BARX2: variants seen among roughly 807,000 people sequenced by gnomAD.
BARX2 encodes BARX homeobox 2, also known as homeobox protein BarH-like 2.
BARX2 carries 11 observed loss-of-function variants against 25.5 expected under a neutral mutation model. The observed-to-expected ratio is 0.43, with a 90% confidence interval of 0.27 to 0.71. The LOEUF is 0.71. Among genes scored for constraint, BARX2 ranks in the 30% least tolerant of loss-of-function variants. BARX2 has a pLI of 0.19. For missense variants in BARX2, 360 were observed against 359.9 expected (o/e 1.00, Z 0.00); for synonymous variants, 137 against 149.5 (o/e 0.92, Z 0.61).
chr11:129,427,842 A>T (rs928889626), intron 1 of BARX2, among the ~76,000 whole-genome samples: 17 of 152,218 alleles, frequency 1.1e-4, no homozygotes, highest in African/African-American at 3.9e-4. Flanking sequence ...TGGCCCAAGC[A>T]TGTTCACATG....
At chr11:129,423,866 T>G (rs528147208) in intron 1 of BARX2, among the ~76,000 whole-genome samples, 1 of 151,872 alleles carries the variant, frequency 6.6e-6, no homozygotes, top group African/African-American at 2.4e-5. Context: ...TCTCCTTTTT[T>G]TTTTTTTTGT....
intron 1 of BARX2, among the ~76,000 whole-genome samples, chr11:129,398,152 T>A (rs956936781): frequency 1.2e-4 from 18 of 152,236 alleles, no homozygotes; most frequent in African/African-American, 4.1e-4. Context: ...CAGACTGTGA[T>A]GGTGACTTGG....
chr11:129,428,929 T>C (rs1862098262), intron 1 of BARX2, among the ~76,000 whole-genome samples: 1 of 152,052 alleles, frequency 6.6e-6, no homozygotes, highest in African/African-American at 2.4e-5. Flanking sequence ...CATCAGAACG[T>C]TGGGTCAAGA....
chr11:129,437,165 C>G (rs979942521), intron 2 of BARX2, 114 bp downstream of exon 2: 1 of 1,176,492 alleles, frequency 8.5e-7, no homozygotes, highest in Non-Finnish European at 1.1e-6. Context: ...GACACTATGG[C>G]GGAGTCCACT....
intron 1 of BARX2, among the ~76,000 whole-genome samples, chr11:129,432,572 A>G (rs1314868705): frequency 6.6e-6 from 1 of 152,218 alleles, no homozygotes; most frequent in Non-Finnish European, 1.5e-5. Flanking sequence ...TAGAAGTGTC[A>G]TAAAACTAAA....
rs1565521322 is a variant in BARX2, at chr11:129,436,852, C to T, written c.289C>T (p.Leu97=). 1 of 1,614,062 alleles carries T rather than the reference C, an allele frequency of 6.2e-7. No homozygotes were observed. Among genetic ancestry groups the T allele is most frequent in the Non-Finnish European group, 8.5e-7 (1 of 1,179,996 alleles). ...TGCCACCCCGGGAATCGCCCAGGCA[C>T]TGTCCTGCCACCAGGTCACCGAGGC... ...VPATPGIAQA[L]SCHQVTEAVS... is the part of the protein sequence containing the mutation. Residue 97 remains leucine (L), a synonymous_variant, in exon 2 of 4, where the codon CTG becomes TTG. Transcript: ENST00000281437. This position sits in a 1 kb window ranked among gnomAD's most constrained non-coding sequence, Gnocchi z 4.5.
At chr11:129,394,428 G>A (rs570844717) in intron 1 of BARX2, among the ~76,000 whole-genome samples, 114 of 152,302 alleles carry the variant, frequency 7.5e-4, no homozygotes, top group Non-Finnish European at 1.4e-3. Flanking sequence ...AATGAAAATT[G>A]TAATATCTGC....
chr11:129,418,037 T>C (rs1861963587), intron 1 of BARX2, among the ~76,000 whole-genome samples: 1 of 152,182 alleles, frequency 6.6e-6, no homozygotes, highest in South Asian at 2.1e-4. Context: ...GAATGATGAT[T>C]TTTGACCCTG....
chr11:129,427,041 A>G (rs959490606), intron 1 of BARX2, among the ~76,000 whole-genome samples: 4 of 152,216 alleles, frequency 2.6e-5, no homozygotes, highest in African/African-American at 9.6e-5. Context: ...ATAAGAAGAT[A>G]CGTATGCATG....
chr11:129,378,467 A>G (rs1861526615), intron 1 of BARX2, among the ~76,000 whole-genome samples: 1 of 152,046 alleles, frequency 6.6e-6, no homozygotes, highest in South Asian at 2.1e-4. Context: ...CTTTGATTAG[A>G]TGAATGTAAT....
chr11:129,392,906 C>T (rs953323502), intron 1 of BARX2, among the ~76,000 whole-genome samples: 11 of 152,092 alleles, frequency 7.2e-5, no homozygotes, highest in African/African-American at 1.4e-4. Flanking sequence ...CCACTGCGCC[C>T]GGCTAACTTG....
chr11:129,416,425 A>G (rs148546457), intron 1 of BARX2, among the ~76,000 whole-genome samples: 201 of 152,326 alleles, frequency 1.3e-3, no homozygotes, highest in Middle Eastern at 3.4e-3. Flanking sequence ...TTCCTACAGA[A>G]ACTTTCCCAG....
chr11:129,410,406 A>G lies in BARX2; in HGVS notation c.188-26345A>G, dbSNP rs1861874213. 3.3e-5 allele frequency among the ~76,000 whole-genome samples: 5 copies of G among 151,876 alleles called. No homozygotes were observed. In the South Asian group the frequency reaches 1.0e-3, roughly 32 times the overall value. ...AGCTTTCTTTATAAGTTTTTCTTCTACCCCCTGAATTCCCTCTGATTATGC... is the reference window on the plus strand; with the variant it reads ...AGCTTTCTTTATAAGTTTTTCTTCTGCCCCCTGAATTCCCTCTGATTATGC... On this transcript the variant is annotated intron_variant, in intron 1 of 3. Coordinates refer to ENST00000281437, the MANE Select transcript of BARX2 (RefSeq NM_003658.5).
intron 1 of BARX2, among the ~76,000 whole-genome samples, chr11:129,378,179 TTTC>T (rs1861523758): frequency 6.6e-6 from 1 of 152,234 alleles, no homozygotes; most frequent in Non-Finnish European, 1.5e-5. Context: ...ATTCCAGTAC[TTTC>T]TTCTTTCGGA....
chr11:129,440,122 GCT>G (rs1344084995), intron 2 of BARX2, among the ~76,000 whole-genome samples: 1 of 152,124 alleles, frequency 6.6e-6, no homozygotes, highest in Non-Finnish European at 1.5e-5. Flanking sequence ...TCCTCCCACA[GCT>G]CTCACCCTCC....
intron 1 of BARX2, among the ~76,000 whole-genome samples, chr11:129,378,048 G>A (rs539353001): frequency 6.6e-6 from 1 of 152,344 alleles, no homozygotes; most frequent in South Asian, 2.1e-4. Flanking sequence ...AGTTTTGTGA[G>A]TGTTATAAGT....
At chr11:129,422,784 A>C (rs1052726685) in intron 1 of BARX2, among the ~76,000 whole-genome samples, 1 of 145,748 alleles carries the variant, frequency 6.9e-6, no homozygotes, top group Non-Finnish European at 1.5e-5. Flanking sequence ...GCTCACGGAA[A>C]CCTCTACCTC....
intron 1 of BARX2, among the ~76,000 whole-genome samples, chr11:129,397,916 A>G (rs1861738504): frequency 6.6e-6 from 1 of 152,220 alleles, no homozygotes. Context: ...TTTTCTGAAC[A>G]CTATGTTGAA....
intron 1 of BARX2, among the ~76,000 whole-genome samples, chr11:129,389,867 T>A (rs1437620483): frequency 6.6e-6 from 1 of 152,296 alleles, no homozygotes; most frequent in Middle Eastern, 3.4e-3. Flanking sequence ...TAGTATATTA[T>A]TGGGTCTGTG....
Sources: allele counts gnomAD v4.1 joint callset (sites outside exome capture counted in the v4.1 genomes callset), GRCh38; gene constraint gnomAD v4.1.1; non-coding constraint Gnocchi (gnomAD v3.1); transcripts MANE v1.5; gene names NCBI Gene and HGNC (gene_info 2026-07-23, HGNC 2026-07-21).